Variants in PDE6A observed in about 807,000 individuals in gnomAD.
PDE6A encodes the protein phosphodiesterase 6A, also known as rod cGMP-specific 3',5'-cyclic phosphodiesterase subunit alpha.
A neutral mutation model predicts 106.3 loss-of-function variants in PDE6A; 84 were observed. The ratio of observed to expected loss-of-function variants is 0.79; its 90% CI spans 0.66 to 0.95. PDE6A has a LOEUF of 0.95. Among genes scored for constraint, PDE6A ranks in the 40% least tolerant of loss-of-function variants. The pLI, the probability that PDE6A is intolerant of heterozygous loss-of-function variation, is 0.00. For synonymous variants in PDE6A, 394 were observed against 386.6 expected (o/e 1.02, Z -0.23); for missense variants, 1,052 against 1,084.9 (o/e 0.97, Z 0.43).
chr5:149,863,858 A>G lies in PDE6A; in HGVS notation c.2359-592T>C, dbSNP rs746303384. The stretch of plus-strand genomic sequence containing the variant: ...AGGCTGGTCTCAAGCTCCTGGCCTC[A>G]AGTGATTCTTCTGCCTTGGCTTCTC... On this transcript the variant is annotated intron_variant, in intron 20 of 21. Transcript: ENST00000255266. This position sits in a 1 kb window ranked among gnomAD's most constrained non-coding sequence, Gnocchi z 4.7. 5.9e-5 allele frequency among the ~76,000 whole-genome samples: 9 copies of G among 152,124 alleles called. No individual in the cohort carries two copies. Among genetic ancestry groups the G allele is most frequent in the Non-Finnish European group, 1.2e-4 (8 of 68,010 alleles).
chr5:149,878,411 G>C (rs1192437247), intron 17 of PDE6A, among the ~76,000 whole-genome samples: 1 of 151,920 alleles, frequency 6.6e-6, no homozygotes, highest in Non-Finnish European at 1.5e-5. Context: ...ATTTAACCTG[G>C]TTCCCCATTG....
Position 149,898,976 on chromosome 5 carries a change from G to A in PDE6A, c.1263+399C>T, listed in dbSNP as rs1581181011. Among the ~76,000 whole-genome samples the A allele has an allele frequency of 3.3e-5, 5 of 152,240 alleles. No individual in the cohort carries two copies. In the East Asian group the frequency reaches 9.7e-4, roughly 29 times the overall value. Reference sequence around the variant, plus strand: ...CCTCTTGGGCTCAAGTGATCCTCTTGCTTCAGTCTCCTGAGTAACTAGGAC... The same window carrying A: ...CCTCTTGGGCTCAAGTGATCCTCTTACTTCAGTCTCCTGAGTAACTAGGAC... On this transcript the variant is annotated intron_variant, in intron 9 of 21. Coordinates refer to ENST00000255266, the MANE Select transcript of PDE6A (RefSeq NM_000440.3).
intron 3 of PDE6A, 140 bp from the exon 4 acceptor site, chr5:149,931,308 G>T: frequency 1.3e-6 from 1 of 766,154 alleles, no homozygotes; most frequent in South Asian, 1.7e-5. Flanking sequence ...AAATAGACAG[G>T]TTAACTATCC....
intron 1 of PDE6A, among the ~76,000 whole-genome samples, chr5:149,937,963 G>A (rs1173726996): frequency 1.3e-5 from 2 of 152,120 alleles, no homozygotes; most frequent in East Asian, 1.9e-4. Flanking sequence ...CTTATTCATT[G>A]ATTCACTGAT....
At chr5:149,895,798 G>A (rs1199998176) in intron 12 of PDE6A, among the ~76,000 whole-genome samples, 2 of 151,416 alleles carry the variant, frequency 1.3e-5, no homozygotes, top group African/African-American at 4.9e-5. Context: ...AGAAAGAGGA[G>A]AGAGAGAGAG....
chr5:149,912,257 A>G (rs961300928), intron 6 of PDE6A, among the ~76,000 whole-genome samples: 9 of 152,190 alleles, frequency 5.9e-5, no homozygotes, highest in African/African-American at 2.2e-4. Context: ...AGCTGGGGCT[A>G]TAGACAGTGC....
intron 1 of PDE6A, among the ~76,000 whole-genome samples, chr5:149,943,944 CA>C (rs1053821475): frequency 3.9e-5 from 6 of 152,080 alleles, no homozygotes; most frequent in Non-Finnish European, 5.9e-5. Flanking sequence ...AGAGAGAAAG[CA>C]AATGTGGCAA....
At chr5:149,929,048 G>A (rs1753949777) in intron 4 of PDE6A, among the ~76,000 whole-genome samples, 1 of 152,092 alleles carries the variant, frequency 6.6e-6, no homozygotes, top group Non-Finnish European at 1.5e-5. Flanking sequence ...GTATAAAATG[G>A]TACAATCATT....
chr5:149,925,402 A>G (rs1753839997), intron 4 of PDE6A, among the ~76,000 whole-genome samples: 1 of 152,230 alleles, frequency 6.6e-6, no homozygotes, highest in Non-Finnish European at 1.5e-5. Context: ...TTAACAGTCA[A>G]TTAGACACTG....
chr5:149,927,135 T>C (rs979027034), intron 4 of PDE6A, among the ~76,000 whole-genome samples: 2 of 152,164 alleles, frequency 1.3e-5, no homozygotes, highest in Non-Finnish European at 2.9e-5. Context: ...GCACTTGCAT[T>C]ACTCCAGATT....
chr5:149,912,031 G>T (rs1753404386), intron 6 of PDE6A, among the ~76,000 whole-genome samples: 1 of 151,904 alleles, frequency 6.6e-6, no homozygotes, highest in South Asian at 2.1e-4. Context: ...TCAAATAATT[G>T]ATATATTTGA....
At chr5:149,889,076 T>C (rs570983070) in intron 13 of PDE6A, among the ~76,000 whole-genome samples, 1,031 of 58,896 alleles carry the variant, frequency 0.018, 5 homozygotes, top group South Asian at 0.031. Context: ...AGTGAGACTC[T>C]GTCTCAAAAA....
intron 5 of PDE6A, among the ~76,000 whole-genome samples, chr5:149,921,326 A>AGCAGGAAG (rs892931830): frequency 1.3e-5 from 2 of 151,894 alleles, no homozygotes; most frequent in African/African-American, 2.4e-5. Context: ...AAGGAAGGAA[A>AGCAGGAAG]GCAGGAAGGC....
chr5:149,872,197 C>A (rs758461781), intron 17 of PDE6A, among the ~76,000 whole-genome samples: 1 of 152,142 alleles, frequency 6.6e-6, no homozygotes, highest in Admixed American at 6.5e-5. Context: ...GTGTCCAGGG[C>A]AAGCGACTTC....
chr5:149,885,370 C>CA (rs1491152762), intron 14 of PDE6A, among the ~76,000 whole-genome samples: 8 of 152,210 alleles, frequency 5.3e-5, no homozygotes, highest in African/African-American at 1.4e-4. Flanking sequence ...AGCGGAGACT[C>CA]AGTTTTCTCA....
intron 5 of PDE6A, among the ~76,000 whole-genome samples, chr5:149,920,954 G>GAAAGAAA (rs750853785): frequency 1.7e-5 from 2 of 120,320 alleles, no homozygotes; most frequent in East Asian, 4.6e-4. Context: ...AAGAAAGAAA[G>GAAAGAAA]AAAGAAAGAA....
At chr5:149,943,234 G>C (rs1447426425) in intron 1 of PDE6A, among the ~76,000 whole-genome samples, 1 of 152,144 alleles carries the variant, frequency 6.6e-6, no homozygotes, top group Admixed American at 6.5e-5. Context: ...CAAGCATACT[G>C]CCTGCAAACA....
chr5:149,884,735 C>T (rs1367034083), intron 15 of PDE6A, 45 bp downstream of exon 15: 1 of 1,563,066 alleles, frequency 6.4e-7, no homozygotes, highest in East Asian at 2.2e-5. Context: ...AATAGAGCCT[C>T]TGATCCAGGC....
chr5:149,943,519 C>T (rs552941716), intron 1 of PDE6A, among the ~76,000 whole-genome samples: 10 of 152,288 alleles, frequency 6.6e-5, no homozygotes, highest in African/African-American at 2.4e-4. Flanking sequence ...AGGAGTCTCC[C>T]TATGTTGCAC....
Sources: gnomAD v4.1 joint callset for allele counts (sites outside exome capture counted in the v4.1 genomes callset) on GRCh38, gnomAD v4.1.1 for gene constraint, Gnocchi (gnomAD v3.1) non-coding constraint, MANE v1.5 for transcripts, NCBI Gene and HGNC (gene_info 2026-07-23, HGNC 2026-07-21) for gene names.